Variants in FNTB observed in about 807,000 individuals in gnomAD.
FNTB encodes protein farnesyltransferase subunit beta.
FNTB carries 27 observed loss-of-function variants against 59.4 expected under a neutral mutation model. That is an observed-to-expected ratio of 0.45 (90% confidence interval 0.34 to 0.63). The LOEUF (loss-of-function observed/expected upper bound fraction) is 0.63. Ranked by LOEUF, FNTB falls within the 20% of genes least tolerant of loss-of-function variation. The probability of loss-of-function intolerance (pLI) is 0.02; values close to 1 mark genes in which losing one functional copy is unlikely to be tolerated. For synonymous variants in FNTB, 230 were observed against 220.7 expected, an observed-to-expected ratio of 1.04 and a Z score of -0.37; for missense variants, 449 against 559.6, an observed-to-expected ratio of 0.80 and a Z score of 1.99.
Position 65,044,458 on chromosome 14 carries a change from CTGTTCACT to C in FNTB, c.955+18_955+25del. On this transcript the variant is annotated intron_variant, in intron 9 of 11. Coordinates refer to ENST00000246166, the MANE Select transcript of FNTB (RefSeq NM_002028.4). The surrounding 1 kb of genome is among the most constrained non-coding windows in gnomAD (Gnocchi z 5.5). ...GCACGCCCAAGGTGAGCCTGGGGAG[CTGTTCACT>C]TGGGGCTGGATGATTTCCCTCCACT... 6.3e-7 allele frequency: 1 copy of C among 1,595,510 alleles called. No homozygotes were observed.
In FNTB at chr14:65,029,458, T is replaced by G. The variant is rs2139580536; in HGVS notation, c.605+1677T>G. 6.6e-6 allele frequency among the ~76,000 whole-genome samples: 1 copy of G among 152,340 alleles called. No homozygotes were observed. The highest frequency in any genetic ancestry group is 2.1e-4 in the South Asian group (1 of 4,830). On this transcript the variant is annotated intron_variant, in intron 6 of 11. Coordinates refer to ENST00000246166, the MANE Select transcript of FNTB (RefSeq NM_002028.4). The surrounding 1 kb of genome is among the most constrained non-coding windows in gnomAD (Gnocchi z 4.7). The stretch of plus-strand genomic sequence containing the variant: ...GGATGATCTTTCTGCTCTGTTACAC[T>G]GCTGATAGTTTCAGAGATGAGCCTA...
At chr14:64,992,856 A>G (rs976248652) in intron 1 of FNTB, among the ~76,000 whole-genome samples, 1 of 150,612 alleles carries the variant, frequency 6.6e-6, no homozygotes, top group African/African-American at 2.4e-5. Context: ...ATTTTTTTTT[A>G]AAGACAGGGT....
intron 2 of FNTB, among the ~76,000 whole-genome samples, chr14:65,004,723 C>T (rs1005710389): frequency 1.3e-5 from 2 of 151,902 alleles, no homozygotes; most frequent in Non-Finnish European, 2.9e-5. Context: ...GGTGCAGTGG[C>T]ACAATCTCGG....
intron 9 of FNTB, among the ~76,000 whole-genome samples, chr14:65,051,795 G>T (rs2062618344): frequency 1.3e-5 from 2 of 148,940 alleles, no homozygotes; most frequent in African/African-American, 4.9e-5. Context: ...TTCACCATAG[G>T]AATTTTTTTT....
At position 64,986,899 on chromosome 14, in the gene FNTB, C is replaced by A. The variant is rs568122612; in HGVS notation, c.-55C>A. 5 of 1,601,786 alleles carry A rather than the reference C, an allele frequency of 3.1e-6. No individual in the cohort carries two copies. The Admixed American group carries it at 6.7e-5, about 21-fold the overall frequency. ...GCTTTAGCCCGCTCGAGTTTCAATGCGCGTTGTTGCTTAACGAAGCAGAGT... is the reference window on the plus strand; with the variant it reads ...GCTTTAGCCCGCTCGAGTTTCAATGAGCGTTGTTGCTTAACGAAGCAGAGT... On this transcript the variant is annotated 5_prime_UTR_variant, in exon 1 of 12. Coordinates refer to ENST00000246166, the MANE Select transcript of FNTB (RefSeq NM_002028.4).
At chr14:65,003,442 T>C (rs2061540839) in intron 1 of FNTB, 1 of 152,166 alleles carries the variant, frequency 6.6e-6, no homozygotes, top group South Asian at 2.1e-4. Flanking sequence ...ATTTTCCCTC[T>C]ACCCTTCTAA....
chr14:65,002,937 C>T (rs1355510508), intron 1 of FNTB, among the ~76,000 whole-genome samples: 1 of 152,128 alleles, frequency 6.6e-6, no homozygotes, highest in Non-Finnish European at 1.5e-5. Context: ...AAACAAAAGT[C>T]TTATGATTCT....
intron 4 of FNTB, among the ~76,000 whole-genome samples, chr14:65,017,977 C>T (rs1280789974): frequency 1.3e-5 from 2 of 151,920 alleles, no homozygotes; most frequent in Non-Finnish European, 2.9e-5. Context: ...AAATAAAATA[C>T]ATAAATTTAA....
chr14:65,032,518 C>G lies in FNTB; in HGVS notation c.606-92C>G. ...GAGGACAGGAGGTGATTACAGCTTA[C>G]TAGGCAAGGCGAGCAGTCCGCCCGC... On this transcript the variant is annotated intron_variant, in intron 6 of 11. Transcript: ENST00000246166. This position sits in a 1 kb window ranked among gnomAD's most constrained non-coding sequence, Gnocchi z 5.0. 7 of 1,412,116 alleles carry G rather than the reference C, an allele frequency of 5.0e-6. No homozygotes were observed. The highest frequency in any genetic ancestry group is 6.7e-6 in the Non-Finnish European group (7 of 1,042,330). The allele number at this position is 1,412,116 out of a possible 1,614,324, so 87.5% of individuals were successfully genotyped here.
intron 1 of FNTB, chr14:64,987,340 C>T (rs868265037): frequency 3.5e-6 from 2 of 573,482 alleles, no homozygotes; most frequent in Non-Finnish European, 6.3e-6. Flanking sequence ...GTAGCCGAGT[C>T]CCCTCTGCCC....
chr14:64,999,947 G>GT (rs1888536452), intron 1 of FNTB, among the ~76,000 whole-genome samples: 1 of 151,998 alleles, frequency 6.6e-6, no homozygotes, highest in Non-Finnish European at 1.5e-5. Context: ...ATATTTCCAT[G>GT]TTTTTGTCAG....
chr14:64,996,519 CAGTT>C (rs1209069255), intron 1 of FNTB, among the ~76,000 whole-genome samples: 2 of 152,164 alleles, frequency 1.3e-5, no homozygotes, highest in African/African-American at 4.8e-5. Context: ...TGGAACCTAA[CAGTT>C]AGGTATAACA....
At position 65,024,103 on chromosome 14, in the gene FNTB, TA is replaced by T. The variant is rs557949276; in HGVS notation, c.375-3335del. ...GGCGACAGAGGGACACTCCATCTCCTAAAAAAAAAAAAAAAGAGGACTCTCA... is the reference window on the plus strand; with the variant it reads ...GGCGACAGAGGGACACTCCATCTCCTAAAAAAAAAAAAAAGAGGACTCTCA... On this transcript the variant is annotated intron_variant, in intron 4 of 11. Coordinates refer to ENST00000246166, the MANE Select transcript of FNTB (RefSeq NM_002028.4). 5.1e-3 allele frequency among the ~76,000 whole-genome samples: 655 copies of T among 129,496 alleles called. 1 individual carries two copies. The highest frequency in any genetic ancestry group is 0.02 in the South Asian group (78 of 3,970). 85.0% of individuals were successfully genotyped at this position (129,496 alleles called of 152,430 possible).
intron 4 of FNTB, among the ~76,000 whole-genome samples, chr14:65,018,574 C>T (rs1199535181): frequency 6.6e-6 from 1 of 151,054 alleles, no homozygotes; most frequent in Non-Finnish European, 1.5e-5. Flanking sequence ...CTTGGGGAGG[C>T]CAAGGTCGGC....
At position 65,061,615 on chromosome 14, in the gene FNTB, C is replaced by A; in HGVS notation, c.*303C>A. 3.4e-6 allele frequency: 1 copy of A among 293,732 alleles called. No homozygotes were observed. Among genetic ancestry groups the A allele is most frequent in the Non-Finnish European group, 6.7e-6 (1 of 150,144 alleles). 18.2% of individuals were successfully genotyped at this position (293,732 alleles called of 1,614,324 possible). ...TCACCAGCTCTCCAGCCAGGACGAT[C>A]ACACAGAGATGAATGGCATCTGAGT... On this transcript the variant is annotated 3_prime_UTR_variant, in exon 12 of 12. Coordinates refer to ENST00000246166, the MANE Select transcript of FNTB (RefSeq NM_002028.4).
chr14:65,044,474 G>A lies in FNTB; in HGVS notation c.955+31G>A, dbSNP rs763139733. On this transcript the variant is annotated intron_variant, in intron 9 of 11. Coordinates refer to ENST00000246166, the MANE Select transcript of FNTB (RefSeq NM_002028.4). The surrounding 1 kb of genome is among the most constrained non-coding windows in gnomAD (Gnocchi z 5.5). ...CCTGGGGAGCTGTTCACTTGGGGCTGGATGATTTCCCTCCACTACTCACAA... is the reference window on the plus strand; with the variant it reads ...CCTGGGGAGCTGTTCACTTGGGGCTAGATGATTTCCCTCCACTACTCACAA... 15 of 1,578,838 alleles carry A rather than the reference G, an allele frequency of 9.5e-6. No homozygotes were observed. In the South Asian group the frequency reaches 1.2e-4, roughly 12 times the overall value.
At position 65,023,063 on chromosome 14, in the gene FNTB, T is replaced by A. The variant is rs2061917378; in HGVS notation, c.375-4390T>A. On this transcript the variant is annotated intron_variant, in intron 4 of 11. Coordinates refer to ENST00000246166, the MANE Select transcript of FNTB (RefSeq NM_002028.4). The surrounding 1 kb of genome is among the most constrained non-coding windows in gnomAD (Gnocchi z 4.1). ...TGATGACGGTGTTTAGAATCAACAT[T>A]GATTAATTGATTGAGACAGGGTCTC... Among the ~76,000 whole-genome samples the A allele has an allele frequency of 6.6e-6, 1 of 152,208 alleles. No individual in the cohort carries two copies. The highest frequency in any genetic ancestry group is 2.4e-5 in the African/African-American group (1 of 41,452).
intron 8 of FNTB, among the ~76,000 whole-genome samples, chr14:65,041,630 C>T (rs2062355854): frequency 6.6e-6 from 1 of 152,212 alleles, no homozygotes; most frequent in Admixed American, 6.5e-5. Context: ...ATGCCAGCCT[C>T]CCGTTATGCG....
intron 8 of FNTB, among the ~76,000 whole-genome samples, chr14:65,041,128 T>G (rs1399849029): frequency 1.3e-5 from 2 of 152,202 alleles, no homozygotes; most frequent in East Asian, 3.8e-4. Flanking sequence ...TTACATAGTG[T>G]GTAGACTACA....
Sources: gnomAD v4.1 joint callset for allele counts (sites outside exome capture counted in the v4.1 genomes callset) on GRCh38, gnomAD v4.1.1 for gene constraint, Gnocchi (gnomAD v3.1) non-coding constraint, MANE v1.5 for transcripts, NCBI Gene and HGNC (gene_info 2026-07-23, HGNC 2026-07-21) for gene names.